Variants in ITCH observed in about 807,000 individuals in gnomAD.
The protein encoded by ITCH is itchy E3 ubiquitin protein ligase, also known as E3 ubiquitin-protein ligase Itchy homolog.
In ITCH, 28 loss-of-function variants were observed where a neutral mutation model predicts 126.8. The ratio of observed to expected loss-of-function variants is 0.22; its 90% CI spans 0.16 to 0.30. The LOEUF is 0.30. ITCH is among the 10% of genes least tolerant of loss of function. The probability of loss-of-function intolerance (pLI) is 1.00; values close to 1 mark genes in which losing one functional copy is unlikely to be tolerated. For synonymous variants in ITCH, 342 were observed against 340.0 expected (o/e 1.01, Z -0.06); for missense variants, 631 against 1,032.4 (o/e 0.61, Z 5.33).
In ITCH at chr20:34,439,248, T is replaced by C. The variant is rs534051471; in HGVS notation, c.679+617T>C. Among the ~76,000 whole-genome samples the C allele has an allele frequency of 3.9e-5, 6 of 152,314 alleles. No individual in the cohort carries two copies. The South Asian group carries it at 1.2e-3, about 32-fold the overall frequency. ...TTCTCTGCAAATAATTTTAAGTGAA[T>C]TTCTATTCAATTATACATCTTCTCC... On this transcript the variant is annotated intron_variant, in intron 8 of 24. Coordinates refer to ENST00000374864, the MANE Select transcript of ITCH (RefSeq NM_031483.7).
chr20:34,390,794 C>T (rs1470582625), intron 2 of ITCH, among the ~76,000 whole-genome samples: 3 of 137,264 alleles, frequency 2.2e-5, no homozygotes, highest in African/African-American at 8.2e-5. Flanking sequence ...GAGTTTTGCT[C>T]CTGTTGCCCA....
At chr20:34,466,517 T>C in intron 14 of ITCH, 1 of 461,634 alleles carries the variant, frequency 2.2e-6, no homozygotes, top group Non-Finnish European at 4.2e-6. Flanking sequence ...ATTACAGAGG[T>C]AATTTAGATA....
chr20:34,466,625 G>A (rs1987094909), intron 14 of ITCH, among the ~76,000 whole-genome samples: 1 of 152,128 alleles, frequency 6.6e-6, no homozygotes, highest in Admixed American at 6.6e-5. Context: ...AGTGGTTTAT[G>A]TAAGATAGAA....
intron 13 of ITCH, among the ~76,000 whole-genome samples, chr20:34,458,612 CGAT>C (rs1986239736): frequency 6.6e-6 from 1 of 152,142 alleles, no homozygotes; most frequent in Admixed American, 6.6e-5. Context: ...CTTGAGATCA[CGAT>C]GTCAGCAGGG....
At chr20:34,444,859 C>G (rs1384648123) in intron 10 of ITCH, among the ~76,000 whole-genome samples, 3 of 152,196 alleles carry the variant, frequency 2.0e-5, no homozygotes, top group Admixed American at 6.5e-5. Context: ...CCAGGCTGGT[C>G]TTGAACTACT....
intron 16 of ITCH, among the ~76,000 whole-genome samples, chr20:34,474,345 A>G (rs1336269014): frequency 1.3e-5 from 2 of 152,210 alleles, no homozygotes; most frequent in Non-Finnish European, 2.9e-5. Flanking sequence ...GGTACTTGAG[A>G]TTAGGGAGTG....
intron 2 of ITCH, among the ~76,000 whole-genome samples, chr20:34,374,732 ATTTT>A (rs200015917): frequency 7.1e-6 from 1 of 140,048 alleles, no homozygotes. Context: ...TTGGCTTACA[ATTTT>A]TTTTTTTTTT....
chr20:34,491,375 A>G (rs1989497351), intron 22 of ITCH, among the ~76,000 whole-genome samples: 2 of 152,322 alleles, frequency 1.3e-5, no homozygotes, highest in South Asian at 2.1e-4. Context: ...CAAAAGTAGA[A>G]TATGGGTTAC....
At chr20:34,440,100 C>A in intron 8 of ITCH, 55 bp from the exon 9 acceptor site, 1 of 1,282,856 alleles carries the variant, frequency 7.8e-7, no homozygotes, top group Non-Finnish European at 1.1e-6. Context: ...AAAATTCTAT[C>A]CTGAATTTTA....
intron 3 of ITCH, among the ~76,000 whole-genome samples, chr20:34,398,102 G>T (rs924813948): frequency 2.0e-5 from 3 of 151,010 alleles, no homozygotes; most frequent in African/African-American, 7.3e-5. Flanking sequence ...TCACCCTGTC[G>T]TCCAGGCTGG....
chr20:34,492,394 T>G, intron 22 of ITCH, 107 bp from the exon 23 acceptor site: 1 of 734,396 alleles, frequency 1.4e-6, no homozygotes, highest in Non-Finnish European at 2.3e-6. Flanking sequence ...CTGGGACACC[T>G]CACCTCTAAA....
At chr20:34,369,780 T>C (rs1308700204) in intron 2 of ITCH, among the ~76,000 whole-genome samples, 2 of 152,148 alleles carry the variant, frequency 1.3e-5, no homozygotes, top group African/African-American at 4.8e-5. Flanking sequence ...GACATGTGCA[T>C]GTGTAGGATT....
intron 1 of ITCH, among the ~76,000 whole-genome samples, chr20:34,366,990 G>A (rs76457579): frequency 6.6e-6 from 1 of 152,216 alleles, no homozygotes; most frequent in Non-Finnish European, 1.5e-5. Context: ...ATTTCTAGAT[G>A]AGGATTTTTT....
chr20:34,428,264 T>G (rs1981811842), intron 7 of ITCH, among the ~76,000 whole-genome samples: 1 of 152,232 alleles, frequency 6.6e-6, no homozygotes, highest in Non-Finnish European at 1.5e-5. Context: ...TGTTTGCAGA[T>G]TTCATGACTA....
intron 17 of ITCH, 182 bp downstream of exon 17, chr20:34,478,042 G>T: frequency 1.4e-6 from 1 of 710,752 alleles, no homozygotes. Context: ...CACTTTCTAT[G>T]TCATGTACAG....
intron 20 of ITCH, among the ~76,000 whole-genome samples, chr20:34,486,246 C>T (rs1395634452): frequency 1.3e-5 from 2 of 151,592 alleles, no homozygotes; most frequent in African/African-American, 2.4e-5. Flanking sequence ...CTCCAAACTC[C>T]TGGATCCAAA....
At chr20:34,431,886 A>G (rs1302914074) in intron 7 of ITCH, among the ~76,000 whole-genome samples, 2 of 152,036 alleles carry the variant, frequency 1.3e-5, no homozygotes, top group Non-Finnish European at 2.9e-5. Flanking sequence ...CTAAAAATAC[A>G]GAAAAAAGTT....
At position 34,372,384 on chromosome 20, in the gene ITCH, C is replaced by CTTTTTTTTTTTTTTTTTTTTTTTTTTTTT. The variant is rs779017298; in HGVS notation, c.-22+2928_-22+2929insTTTTTTTTTTTTTTTTTTTTTTTTTTTTT. Among the ~76,000 whole-genome samples, 2 of 93,156 alleles carry CTTTTTTTTTTTTTTTTTTTTTTTTTTTTT rather than the reference C, an allele frequency of 2.1e-5. 1 individual carries two copies. The highest frequency in any genetic ancestry group is 3.9e-5 in the Non-Finnish European group (2 of 51,710). The allele number at this position is 93,156 out of a possible 152,430, so 61.1% of individuals were successfully genotyped here. A position where few individuals can be genotyped will look rare whatever the true frequency, so the allele number is the denominator to read the frequency against. On this transcript the variant is annotated intron_variant, in intron 2 of 24. Transcript: ENST00000374864. ...AGAAACCATGTTATTTTAAGTTCTA[C>CTTTTTTTTTTTTTTTTTTTTTTTTTTTTT]TTTTTTTTTTTTTTGAGAGGGAATC... is the stretch of plus-strand genomic sequence containing the variant.
chr20:34,410,676 C>T lies in ITCH; in HGVS notation c.213-1839C>T, dbSNP rs1978903009. On this transcript the variant is annotated intron_variant, in intron 4 of 24. Transcript: ENST00000374864. ...ATTAACCAGGGCAAAGTAGCGAGTT[C>T]CCATCTCATATATATTTTTTCCTTT... 3.3e-5 allele frequency among the ~76,000 whole-genome samples: 5 copies of T among 152,034 alleles called. 1 individual carries two copies. Among genetic ancestry groups the T allele is most frequent in the Admixed American group, 3.3e-4 (5 of 15,246 alleles).
Sources: allele counts gnomAD v4.1 joint callset (sites outside exome capture counted in the v4.1 genomes callset), GRCh38; gene constraint gnomAD v4.1.1; transcripts MANE v1.5; gene names NCBI Gene and HGNC (gene_info 2026-07-23, HGNC 2026-07-21).